GKAP1: variants seen among roughly 807,000 people sequenced by gnomAD.
GKAP1 encodes the protein G kinase anchoring protein 1, also known as G kinase-anchoring protein 1.
GKAP1 carries 31 observed loss-of-function variants against 56.7 expected under a neutral mutation model. That is an observed-to-expected ratio of 0.55 (90% CI 0.41 to 0.74). The LOEUF (loss-of-function observed/expected upper bound fraction) is 0.74, where lower values mean the gene tolerates loss of function less well. GKAP1 is among the 30% of genes least tolerant of loss of function. The pLI, the probability that GKAP1 is intolerant of heterozygous loss-of-function variation, is 0.00. For missense variants in GKAP1, 364 were observed against 402.3 expected (o/e 0.90, Z 0.82); for synonymous variants, 151 against 138.6 (o/e 1.09, Z -0.63).
At chr9:83,803,104 C>T (rs1453292251) in intron 3 of GKAP1, among the ~76,000 whole-genome samples, 2 of 151,910 alleles carry the variant, frequency 1.3e-5, no homozygotes, top group South Asian at 2.1e-4. Flanking sequence ...AGTGAGACCC[C>T]GTCTCAAAAA....
chr9:83,757,859 G>A (rs1349118775), intron 8 of GKAP1, among the ~76,000 whole-genome samples: 1 of 151,836 alleles, frequency 6.6e-6, no homozygotes, highest in African/African-American at 2.4e-5. Context: ...AAAAAAAAGT[G>A]TAGAATCTGG....
intron 8 of GKAP1, among the ~76,000 whole-genome samples, chr9:83,756,614 C>T (rs75926405): frequency 8.5e-5 from 13 of 152,058 alleles, no homozygotes; most frequent in African/African-American, 3.1e-4. Flanking sequence ...AGTAAGACCA[C>T]ACCAAATTAT....
intron 7 of GKAP1, among the ~76,000 whole-genome samples, chr9:83,771,642 T>C (rs1019251293): frequency 1.3e-5 from 2 of 152,176 alleles, no homozygotes; most frequent in African/African-American, 4.8e-5. Flanking sequence ...CAAGTATTAT[T>C]TCCCCCCCAA....
intron 2 of GKAP1, among the ~76,000 whole-genome samples, chr9:83,807,115 C>G (rs1049210436): frequency 4.6e-5 from 7 of 152,136 alleles, no homozygotes; most frequent in Non-Finnish European, 7.4e-5. Flanking sequence ...TTTCAAAATG[C>G]CTTCCACATT....
chr9:83,752,521 C>T (rs911196296), intron 9 of GKAP1, among the ~76,000 whole-genome samples: 1 of 152,050 alleles, frequency 6.6e-6, no homozygotes, highest in African/African-American at 2.4e-5. Flanking sequence ...CTAGAATGGG[C>T]AAATTCACAG....
At chr9:83,764,412 G>A (rs575321161) in intron 8 of GKAP1, among the ~76,000 whole-genome samples, 2 of 152,244 alleles carry the variant, frequency 1.3e-5, no homozygotes, top group South Asian at 2.1e-4. Flanking sequence ...CTGAGGCCTC[G>A]CTAGCCATGC....
chr9:83,781,188 C>T (rs917578621), intron 6 of GKAP1, among the ~76,000 whole-genome samples: 1 of 152,072 alleles, frequency 6.6e-6, no homozygotes, highest in Non-Finnish European at 1.5e-5. Flanking sequence ...CATGGTGAAA[C>T]CCCATCTCTA....
At chr9:83,779,573 A>G (rs1488498692) in intron 7 of GKAP1, among the ~76,000 whole-genome samples, 1 of 93,174 alleles carries the variant, frequency 1.1e-5, no homozygotes, top group African/African-American at 7.0e-5. Flanking sequence ...ATATATACAC[A>G]CATATATATA....
Position 83,753,106 on chromosome 9 carries a change from T to G in GKAP1, c.840+152A>C. ...CATAAATAAATAAATAAATAATCAT[T>G]CAGACTTTAAACCATTAAAGAGTTT... On this transcript the variant is annotated intron_variant, in intron 9 of 12. Transcript: ENST00000376371. 5 of 548,502 alleles carry G rather than the reference T, an allele frequency of 9.1e-6. No homozygotes were observed. In the South Asian group the frequency reaches 1.3e-4, roughly 14 times the overall value. 34.0% of individuals were successfully genotyped at this position (548,502 alleles called of 1,614,324 possible).
intron 8 of GKAP1, among the ~76,000 whole-genome samples, chr9:83,763,076 G>A (rs1009902685): frequency 6.6e-6 from 1 of 152,132 alleles, no homozygotes; most frequent in African/African-American, 2.4e-5. Flanking sequence ...AGAAAATGTG[G>A]TATTTATACA....
At chr9:83,810,017 G>A (rs1422218273) in intron 2 of GKAP1, among the ~76,000 whole-genome samples, 1 of 152,084 alleles carries the variant, frequency 6.6e-6, no homozygotes, top group East Asian at 1.9e-4. Flanking sequence ...TCCCTATGTT[G>A]CCTAAGCTGG....
chr9:83,764,880 A>G (rs1044030511), intron 8 of GKAP1, among the ~76,000 whole-genome samples: 1 of 152,212 alleles, frequency 6.6e-6, no homozygotes, highest in Non-Finnish European at 1.5e-5. Flanking sequence ...GACAGAGCAT[A>G]AAAGTTCAGA....
intron 8 of GKAP1, among the ~76,000 whole-genome samples, chr9:83,760,304 A>G (rs562837025): frequency 6.6e-6 from 1 of 152,340 alleles, no homozygotes; most frequent in East Asian, 1.9e-4. Context: ...GAGTCAGTTC[A>G]GCAAGAAGAT....
At chr9:83,786,673 T>C (rs934161905) in intron 5 of GKAP1, among the ~76,000 whole-genome samples, 1 of 152,220 alleles carries the variant, frequency 6.6e-6, no homozygotes, top group African/African-American at 2.4e-5. Flanking sequence ...TTGACTTTTA[T>C]CTCAATGACT....
At chr9:83,783,281 T>C (rs927711820) in intron 6 of GKAP1, among the ~76,000 whole-genome samples, 1 of 152,184 alleles carries the variant, frequency 6.6e-6, no homozygotes, top group African/African-American at 2.4e-5. Context: ...TGAGCAACTA[T>C]TCTGACGGGT....
intron 4 of GKAP1, among the ~76,000 whole-genome samples, chr9:83,794,771 T>C (rs1944216275): frequency 6.6e-6 from 1 of 151,354 alleles, no homozygotes; most frequent in Non-Finnish European, 1.5e-5. Flanking sequence ...AAGCAGATTA[T>C]ACCTGAAAAA....
intron 10 of GKAP1, among the ~76,000 whole-genome samples, chr9:83,746,082 C>A (rs544806097): frequency 1.1e-4 from 16 of 152,168 alleles, no homozygotes; most frequent in African/African-American, 3.9e-4. Context: ...TGAGCCACTG[C>A]GCCTGGCCTC....
At chr9:83,784,956 AAAAT>A in intron 5 of GKAP1, 118 bp from the exon 6 acceptor site, 1 of 704,572 alleles carries the variant, frequency 1.4e-6, no homozygotes. Flanking sequence ...ATAAAAAACC[AAAAT>A]TTAGGCTAGC....
rs1247465920 is a variant in GKAP1 at position 83,779,514 on chromosome 9, T to C, written c.585+868A>G. Among the ~76,000 whole-genome samples, 311 of 131,246 alleles carry C rather than the reference T, an allele frequency of 2.4e-3. 11 individuals are homozygous for C. Among genetic ancestry groups the C allele is most frequent in the Non-Finnish European group, 4.1e-3 (257 of 62,396 alleles). The allele number at this position is 131,246 out of a possible 152,430, so 86.1% of individuals were successfully genotyped here. A position where few individuals can be genotyped will look rare whatever the true frequency, so the allele number is the denominator to read the frequency against. On this transcript the variant is annotated intron_variant, in intron 7 of 12. Coordinates refer to ENST00000376371, the MANE Select transcript of GKAP1 (RefSeq NM_025211.4). ...ATACACATATACACATATATGTGTA[T>C]ATATATACACGTGTATATGTGTATA...
Sources: gnomAD v4.1 joint callset for allele counts (sites outside exome capture counted in the v4.1 genomes callset) on GRCh38, gnomAD v4.1.1 for gene constraint, MANE v1.5 for transcripts, NCBI Gene and HGNC (gene_info 2026-07-23, HGNC 2026-07-21) for gene names.